The following CORO2B variants were observed in gnomAD, a reference collection of about 807,000 sequenced individuals.
The protein encoded by CORO2B is coronin 2B.
A neutral mutation model predicts 58.8 loss-of-function variants in CORO2B; 26 were observed. That is an observed-to-expected ratio of 0.44 (90% CI 0.32 to 0.61). The LOEUF (loss-of-function observed/expected upper bound fraction) is 0.61, where lower values mean the gene tolerates loss of function less well. Among genes scored for constraint, CORO2B ranks in the 20% least tolerant of loss-of-function variants. The pLI is 0.04. For synonymous variants in CORO2B, 242 were observed against 253.8 expected (o/e 0.95, Z 0.44); for missense variants, 460 against 645.1 (o/e 0.71, Z 3.11).
At chr15:68,546,207 T>C in the CORO2B span, among the ~76,000 whole-genome samples, 1 of 152,178 alleles carries the variant, frequency 6.6e-6, no homozygotes, top group Non-Finnish European at 1.5e-5. Flanking sequence ...GACAAGGGAT[T>C]GTAGTGTCCA....
intron 1 of CORO2B, among the ~76,000 whole-genome samples, chr15:68,613,017 A>G (rs961828618): frequency 3.9e-5 from 6 of 152,178 alleles, no homozygotes; most frequent in Admixed American, 1.3e-4. Context: ...TCAGGATGAC[A>G]TGGGACTCCC....
At chr15:68,547,897 G>A in the CORO2B span, among the ~76,000 whole-genome samples, 4 of 152,152 alleles carry the variant, frequency 2.6e-5, no homozygotes, top group Non-Finnish European at 5.9e-5. Flanking sequence ...TTGGCCGGGC[G>A]TGGTGGCTCA....
At chr15:68,554,919 G>C in the CORO2B span, among the ~76,000 whole-genome samples, 1 of 152,302 alleles carries the variant, frequency 6.6e-6, no homozygotes, top group African/African-American at 2.4e-5. Context: ...AGTCAGGCCT[G>C]TCTGACTCCA....
At chr15:68,579,619 C>G (rs77710418) in intron 1 of CORO2B, among the ~76,000 whole-genome samples, 1 of 152,218 alleles carries the variant, frequency 6.6e-6, no homozygotes, top group Non-Finnish European at 1.5e-5. Context: ...CCAGGGAGTG[C>G]GCGGCGGGAA....
chr15:68,578,788 G>A (rs562627621), upstream of CORO2B, among the ~76,000 whole-genome samples: 1 of 152,152 alleles, frequency 6.6e-6, no homozygotes, highest in South Asian at 2.1e-4. This position sits in a 1 kb window ranked among gnomAD's most constrained non-coding sequence, Gnocchi z 4.2. Flanking sequence ...GGCCCGAAGG[G>A]GTTAAGGCCG....
At chr15:68,725,680 G>T (rs1004892984) in intron 11 of CORO2B, among the ~76,000 whole-genome samples, 163 bp from the exon 12 acceptor site, 2 of 151,954 alleles carry the variant, frequency 1.3e-5, no homozygotes, top group African/African-American at 4.8e-5. Context: ...AGATGGGAGA[G>T]GTGCAATAAA....
intron 2 of CORO2B, among the ~76,000 whole-genome samples, chr15:68,681,550 T>A (rs544206814): frequency 6.6e-6 from 1 of 152,154 alleles, no homozygotes; most frequent in Non-Finnish European, 1.5e-5. Context: ...ACCATTTTCA[T>A]AGGACCTGAG....
At chr15:68,643,487 G>A (rs1352829724) in intron 1 of CORO2B, among the ~76,000 whole-genome samples, 1 of 152,224 alleles carries the variant, frequency 6.6e-6, no homozygotes, top group Admixed American at 6.5e-5. Context: ...GAGACAGCAA[G>A]TGGGACAGGG....
At chr15:68,683,337 A>G (rs761002050) in intron 2 of CORO2B, among the ~76,000 whole-genome samples, 16 of 151,898 alleles carry the variant, frequency 1.1e-4, no homozygotes, top group Admixed American at 1.0e-3. Context: ...GTTGGTCCAG[A>G]CCCCGCGTCC....
the CORO2B span, among the ~76,000 whole-genome samples, chr15:68,555,264 G>C: frequency 2.0e-5 from 3 of 152,188 alleles, no homozygotes. Context: ...AACCAGGTGT[G>C]TTCTCCACAC....
At chr15:68,690,500 G>A (rs1000497884) in intron 2 of CORO2B, among the ~76,000 whole-genome samples, 4 of 151,924 alleles carry the variant, frequency 2.6e-5, no homozygotes, top group Non-Finnish European at 5.9e-5. Flanking sequence ...TTCTTACTAC[G>A]CACACATACA....
At chr15:68,711,376 T>C (rs534750002) in intron 4 of CORO2B, among the ~76,000 whole-genome samples, 166 bp from the exon 5 acceptor site, 2 of 152,278 alleles carry the variant, frequency 1.3e-5, no homozygotes, top group African/African-American at 2.4e-5. Context: ...GTGCCAGGGA[T>C]GTATCAGCCT....
intron 1 of CORO2B, among the ~76,000 whole-genome samples, chr15:68,595,430 A>G (rs762616328): frequency 2.1e-4 from 32 of 152,224 alleles, no homozygotes; most frequent in Non-Finnish European, 4.0e-4. Flanking sequence ...CCTTATCGTC[A>G]GATATAGAAG....
At chr15:68,711,455 C>T in intron 4 of CORO2B, 87 bp from the exon 5 acceptor site, 4 of 1,264,818 alleles carry the variant, frequency 3.2e-6, no homozygotes, top group Admixed American at 2.5e-5. Context: ...GGGCGCTTCT[C>T]CCAGGGCAGT....
intron 1 of CORO2B, among the ~76,000 whole-genome samples, chr15:68,609,577 A>G (rs562003655): frequency 6.6e-6 from 1 of 152,086 alleles, no homozygotes; most frequent in Admixed American, 6.5e-5. Flanking sequence ...TCTCTTTTGG[A>G]GTTGGGGGAG....
chr15:68,697,733 G>A (rs34065281), intron 3 of CORO2B, among the ~76,000 whole-genome samples: 27,360 of 152,176 alleles, frequency 0.18, 3,059 homozygotes, highest in Non-Finnish European at 0.25. Flanking sequence ...AGAAGGAAGG[G>A]CACAGGTGCT....
intron 1 of CORO2B, among the ~76,000 whole-genome samples, chr15:68,628,350 T>C (rs1296347476): frequency 6.6e-6 from 1 of 152,206 alleles, no homozygotes; most frequent in Non-Finnish European, 1.5e-5. Context: ...TGAATGCCTG[T>C]GCCTTAGTTT....
At chr15:68,630,470 G>A (rs956942531) in intron 1 of CORO2B, among the ~76,000 whole-genome samples, 2 of 152,076 alleles carry the variant, frequency 1.3e-5, no homozygotes, top group African/African-American at 4.8e-5. Flanking sequence ...CTTGGGTGGG[G>A]CTCTGTGGTC....
chr15:68,545,287 T>G, the CORO2B span, among the ~76,000 whole-genome samples: 1 of 152,216 alleles, frequency 6.6e-6, no homozygotes, highest in Non-Finnish European at 1.5e-5. Context: ...TTATTTTCAC[T>G]TTTTAATTTG....
Sources: allele counts gnomAD v4.1 joint callset (sites outside exome capture counted in the v4.1 genomes callset), GRCh38; gene constraint gnomAD v4.1.1; non-coding constraint Gnocchi (gnomAD v3.1); transcripts MANE v1.5; gene names NCBI Gene and HGNC (gene_info 2026-07-23, HGNC 2026-07-21).